Variants in FCHSD2 observed in about 807,000 individuals in gnomAD.
FCHSD2 encodes FCH and double SH3 domains 2, also known as F-BAR and double SH3 domains protein 2.
In FCHSD2, 38 loss-of-function variants were observed where a neutral mutation model predicts 108.1. The ratio of observed to expected loss-of-function variants is 0.35; its 90% CI spans 0.27 to 0.46. The LOEUF is 0.46. FCHSD2 is among the 20% of genes least tolerant of loss of function. FCHSD2 has a pLI of 1.00. For synonymous variants in FCHSD2, 279 were observed against 314.7 expected (o/e 0.89, Z 1.20); for missense variants, 751 against 897.8 (o/e 0.84, Z 2.09).
At chr11:72,861,924 G>A (rs1156988939) in intron 13 of FCHSD2, among the ~76,000 whole-genome samples, 3 of 80,926 alleles carry the variant, frequency 3.7e-5, no homozygotes, top group African/African-American at 1.5e-4. Context: ...AAAGCGAAAC[G>A]CCGTCTCAAA....
chr11:73,132,641 G>A (rs1402102689), intron 2 of FCHSD2, among the ~76,000 whole-genome samples: 1 of 151,930 alleles, frequency 6.6e-6, no homozygotes, highest in Non-Finnish European at 1.5e-5. Flanking sequence ...TGGACAACAT[G>A]GCAAAACCCC....
At position 73,107,148 on chromosome 11, in the gene FCHSD2, G is replaced by C. The variant is rs761544790; in HGVS notation, c.120-23408C>G. 3.3e-5 allele frequency among the ~76,000 whole-genome samples: 5 copies of C among 152,200 alleles called. No homozygotes were observed. In the East Asian group the frequency reaches 9.6e-4, roughly 29 times the overall value. On this transcript the variant is annotated intron_variant, in intron 2 of 19. Transcript: ENST00000409418. ...GCCTCCTGGGTTTCTTGATTCTCAA[G>C]ACTCTCCGCAATTCTTGAGCCTCAG...
At chr11:72,908,761 G>A (rs969837354) in intron 9 of FCHSD2, among the ~76,000 whole-genome samples, 3 of 152,104 alleles carry the variant, frequency 2.0e-5, no homozygotes, top group Admixed American at 1.3e-4. Context: ...CTGCCTCCCT[G>A]GCTCAAGAGA....
chr11:72,908,470 AG>A (rs1396862708), intron 9 of FCHSD2, among the ~76,000 whole-genome samples: 3 of 152,196 alleles, frequency 2.0e-5, no homozygotes, highest in Non-Finnish European at 4.4e-5. Context: ...TGTTTTCCAT[AG>A]CGGTTGTACT....
At chr11:72,959,882 G>GTGTGTA (rs1856792075) in intron 8 of FCHSD2, among the ~76,000 whole-genome samples, 1 of 151,524 alleles carries the variant, frequency 6.6e-6, no homozygotes, top group East Asian at 1.9e-4. Context: ...GTGTGTGTGT[G>GTGTGTA]TGTATGTGTG....
chr11:72,965,212 C>T (rs1354477258), intron 8 of FCHSD2, among the ~76,000 whole-genome samples: 3 of 152,194 alleles, frequency 2.0e-5, no homozygotes, highest in Non-Finnish European at 4.4e-5. Flanking sequence ...TCTTGCTACA[C>T]TCCAGCTGTA....
chr11:72,950,749 T>C (rs577731692), intron 8 of FCHSD2, among the ~76,000 whole-genome samples: 1 of 152,254 alleles, frequency 6.6e-6, no homozygotes, highest in African/African-American at 2.4e-5. Flanking sequence ...AACTCCCACA[T>C]TATCATTTGG....
chr11:73,039,517 C>A (rs1340785046), intron 3 of FCHSD2, among the ~76,000 whole-genome samples: 58 of 139,594 alleles, frequency 4.2e-4, no homozygotes, highest in South Asian at 1.3e-3. Context: ...ACTCCGTCTC[C>A]AAAAAAAAAA....
chr11:72,979,320 A>C lies in FCHSD2; in HGVS notation c.705+4768T>G, dbSNP rs145981476. On this transcript the variant is annotated intron_variant, in intron 8 of 19. Coordinates refer to ENST00000409418, the MANE Select transcript of FCHSD2 (RefSeq NM_014824.3). ...GTAAAGTTGAAGAAGTCTCCCAAAA[A>C]GTACAACATAATGACAAAGATGGAA... 2.6e-5 allele frequency among the ~76,000 whole-genome samples: 4 copies of C among 152,344 alleles called. No homozygotes were observed. In the East Asian group the frequency reaches 7.7e-4, roughly 29 times the overall value.
intron 2 of FCHSD2, among the ~76,000 whole-genome samples, chr11:73,116,535 C>T (rs1485710793): frequency 3.9e-5 from 6 of 151,984 alleles, no homozygotes; most frequent in South Asian, 4.1e-4. Flanking sequence ...TTCCTTCTTT[C>T]GTTTTTGTTT....
intron 9 of FCHSD2, among the ~76,000 whole-genome samples, chr11:72,917,981 T>C (rs1017806763): frequency 6.6e-6 from 1 of 152,136 alleles, no homozygotes; most frequent in African/African-American, 2.4e-5. Flanking sequence ...AATCTGTAGA[T>C]CACTTTGGGG....
chr11:72,930,622 G>A (rs544582730), intron 8 of FCHSD2, among the ~76,000 whole-genome samples: 3 of 152,228 alleles, frequency 2.0e-5, no homozygotes, highest in Non-Finnish European at 2.9e-5. Context: ...GTGCCCATCC[G>A]TAGTCCCAAT....
intron 8 of FCHSD2, among the ~76,000 whole-genome samples, chr11:72,926,071 C>G (rs1450445106): frequency 6.6e-6 from 1 of 152,190 alleles, no homozygotes; most frequent in African/African-American, 2.4e-5. Context: ...CTGGAGCCCA[C>G]TCAGATTAGT....
chr11:72,900,459 C>T (rs1412785031), intron 10 of FCHSD2: 2 of 629,868 alleles, frequency 3.2e-6, no homozygotes, highest in Admixed American at 2.8e-5. Context: ...TGCAGTTGGG[C>T]TGGGAAAAAG....
chr11:72,919,655 A>C (rs1057092058), intron 9 of FCHSD2, among the ~76,000 whole-genome samples: 1 of 152,148 alleles, frequency 6.6e-6, no homozygotes, highest in East Asian at 1.9e-4. Context: ...ATCTGTTACG[A>C]CTATAATGTT....
intron 3 of FCHSD2, among the ~76,000 whole-genome samples, chr11:73,041,552 T>G (rs1209007548): frequency 1.3e-5 from 2 of 152,180 alleles, no homozygotes; most frequent in African/African-American, 4.8e-5. Flanking sequence ...TCTATTCATA[T>G]CCTTTCCCAA....
intron 2 of FCHSD2, among the ~76,000 whole-genome samples, chr11:73,110,203 A>G (rs1444127563): frequency 6.6e-6 from 1 of 151,860 alleles, no homozygotes; most frequent in African/African-American, 2.4e-5. Context: ...TGCTGGCCTC[A>G]CAGAATGAGT....
At chr11:72,877,337 T>C (rs181974029) in intron 12 of FCHSD2, among the ~76,000 whole-genome samples, 4 of 152,258 alleles carry the variant, frequency 2.6e-5, no homozygotes, top group Non-Finnish European at 2.9e-5. Flanking sequence ...GCCAGTAAGA[T>C]GGAGGTTCTG....
chr11:73,006,690 C>G (rs1036192087), intron 4 of FCHSD2, among the ~76,000 whole-genome samples: 1 of 152,262 alleles, frequency 6.6e-6, no homozygotes, highest in Non-Finnish European at 1.5e-5. Context: ...ATTCTCCCTA[C>G]TATGCTTACT....
Sources: gnomAD v4.1 joint callset for allele counts (sites outside exome capture counted in the v4.1 genomes callset) on GRCh38, gnomAD v4.1.1 for gene constraint, MANE v1.5 for transcripts, NCBI Gene and HGNC (gene_info 2026-07-23, HGNC 2026-07-21) for gene names.